The following CCDC178 variants were observed in gnomAD, a reference collection of about 807,000 sequenced individuals.
CCDC178 encodes the protein coiled-coil domain containing 178.
CCDC178 carries 126 observed loss-of-function variants against 117.4 expected under a neutral mutation model. The ratio of observed to expected loss-of-function variants is 1.07; its 90% confidence interval spans 0.93 to 1.24. CCDC178 has a LOEUF of 1.24. CCDC178 is among the 50% of genes most tolerant of loss of function. The pLI, the probability that CCDC178 is intolerant of heterozygous loss-of-function variation, is 0.00. For synonymous variants in CCDC178, 283 were observed against 313.4 expected (o/e 0.90, Z 1.02); for missense variants, 1,030 against 986.9 (o/e 1.04, Z -0.59).
intron 21 of CCDC178, among the ~76,000 whole-genome samples, chr18:33,068,450 A>C (rs967524135): frequency 1.3e-5 from 2 of 152,164 alleles, no homozygotes; most frequent in African/African-American, 4.8e-5. Flanking sequence ...ATACAACAAC[A>C]CATCAAAAAG....
At chr18:33,193,773 T>C (rs1003843036) in intron 20 of CCDC178, among the ~76,000 whole-genome samples, 8 of 152,212 alleles carry the variant, frequency 5.3e-5, no homozygotes, top group African/African-American at 1.9e-4. Flanking sequence ...CGGAGTATAT[T>C]CATTCATTTG....
In CCDC178 at chr18:33,018,770, G is replaced by A. The variant is rs117730752; in HGVS notation, c.2389-44089C>T. On this transcript the variant is annotated intron_variant, in intron 21 of 22. Transcript: ENST00000383096. ...ATGTGTCTCCACTGCTATTAAGTAT[G>A]GAACTTCTTTTTGGGGTGATGACAT... 8.0e-3 allele frequency among the ~76,000 whole-genome samples: 1,214 copies of A among 152,166 alleles called. 10 individuals are homozygous for A. The highest frequency in any genetic ancestry group is 9.7e-3 in the Non-Finnish European group (657 of 67,936).
At chr18:33,416,383 C>G (rs1045695125) in intron 2 of CCDC178, among the ~76,000 whole-genome samples, 1 of 150,908 alleles carries the variant, frequency 6.6e-6, no homozygotes, top group South Asian at 2.1e-4. Context: ...GCAGAGATCG[C>G]GCCACTGCAC....
intron 2 of CCDC178, among the ~76,000 whole-genome samples, chr18:33,432,185 G>A (rs771741972): frequency 3.3e-5 from 5 of 152,148 alleles, no homozygotes; most frequent in Non-Finnish European, 7.4e-5. Context: ...GGTTGGGTAT[G>A]GGGAGGCGGA....
chr18:33,319,008 C>T (rs573769267), intron 11 of CCDC178, among the ~76,000 whole-genome samples: 32 of 152,090 alleles, frequency 2.1e-4, no homozygotes, highest in Non-Finnish European at 3.5e-4. Flanking sequence ...AAAGGATCTA[C>T]TTCAGCCAGA....
At chr18:33,438,889 T>C (rs2064333391) in intron 2 of CCDC178, among the ~76,000 whole-genome samples, 1 of 152,182 alleles carries the variant, frequency 6.6e-6, no homozygotes, top group South Asian at 2.1e-4. Context: ...TTCAGTCCCA[T>C]AAGCCTAGAT....
chr18:33,068,642 A>G (rs2057059114), intron 21 of CCDC178, among the ~76,000 whole-genome samples: 1 of 152,276 alleles, frequency 6.6e-6, no homozygotes, highest in East Asian at 1.9e-4. Context: ...AAAACTCTCA[A>G]CAAATTAGGT....
intron 20 of CCDC178, among the ~76,000 whole-genome samples, chr18:33,158,661 A>G (rs1484401128): frequency 6.6e-6 from 1 of 152,018 alleles, no homozygotes; most frequent in Non-Finnish European, 1.5e-5. Flanking sequence ...AAGATCATCT[A>G]ATCCAAATTC....
At chr18:32,943,362 C>T (rs750059328) in intron 22 of CCDC178, among the ~76,000 whole-genome samples, 15 of 152,088 alleles carry the variant, frequency 9.9e-5, no homozygotes, top group East Asian at 5.8e-4. Flanking sequence ...GATCATGCTC[C>T]GTGATCTTGC....
chr18:33,226,139 G>A (rs543742365), intron 16 of CCDC178, among the ~76,000 whole-genome samples: 22 of 152,218 alleles, frequency 1.4e-4, no homozygotes, highest in African/African-American at 5.1e-4. Context: ...CCAGCCTGGC[G>A]ACAGAGCAAG....
rs1331466941 is a variant in CCDC178, at chr18:33,226,129, C to A, written c.1656+664G>T. On this transcript the variant is annotated intron_variant, in intron 16 of 22. Coordinates refer to ENST00000383096, the MANE Select transcript of CCDC178 (RefSeq NM_001105528.4). ...TGAGCCAAGATCGTGCCACTGCACT[C>A]CAGCCTGGCGACAGAGCAAGACTCT... Among the ~76,000 whole-genome samples the A allele has an allele frequency of 5.3e-5, 8 of 152,266 alleles. No homozygotes were observed. The East Asian group carries it at 1.5e-3, about 29-fold the overall frequency.
intron 12 of CCDC178, among the ~76,000 whole-genome samples, chr18:33,268,654 A>G (rs1599079327): frequency 6.6e-6 from 1 of 151,884 alleles, no homozygotes; most frequent in Non-Finnish European, 1.5e-5. Flanking sequence ...AAATACCACC[A>G]TAAACAAAAT....
chr18:33,015,092 C>T lies in CCDC178; in HGVS notation c.2389-40411G>A, dbSNP rs56228018. Among the ~76,000 whole-genome samples the T allele has an allele frequency of 1.5e-3, 234 of 151,264 alleles. 2 individuals are homozygous for T. The highest frequency in any genetic ancestry group is 5.4e-3 in the African/African-American group (222 of 41,236). ...CCAACATGGTGAAACCTCATCTCTACCAAAAATACAAAAATTAGCCGGGTG... is the reference window on the plus strand; with the variant it reads ...CCAACATGGTGAAACCTCATCTCTATCAAAAATACAAAAATTAGCCGGGTG... On this transcript the variant is annotated intron_variant, in intron 21 of 22. Transcript: ENST00000383096.
intron 15 of CCDC178, among the ~76,000 whole-genome samples, chr18:33,239,207 A>C (rs572696467): frequency 1.3e-5 from 2 of 152,066 alleles, no homozygotes; most frequent in African/African-American, 2.4e-5. Flanking sequence ...CAATATACAC[A>C]GTAGAAAGAG....
intron 20 of CCDC178, among the ~76,000 whole-genome samples, chr18:33,098,074 T>C (rs1567987055): frequency 6.6e-6 from 1 of 152,072 alleles, no homozygotes; most frequent in East Asian, 1.9e-4. Flanking sequence ...CAGAGACACT[T>C]ATCCTGGACA....
At chr18:33,069,810 A>G (rs796522701) in intron 21 of CCDC178, among the ~76,000 whole-genome samples, 35 of 152,236 alleles carry the variant, frequency 2.3e-4, no homozygotes, top group African/African-American at 7.9e-4. Flanking sequence ...TATACAAGGT[A>G]TTCAAACAAG....
chr18:33,019,443 G>A (rs1218402179), intron 21 of CCDC178, among the ~76,000 whole-genome samples: 3 of 152,142 alleles, frequency 2.0e-5, no homozygotes, highest in African/African-American at 7.2e-5. Flanking sequence ...CAAGATATAT[G>A]ATTGCTAATT....
intron 22 of CCDC178, among the ~76,000 whole-genome samples, chr18:32,941,079 T>A (rs1220798198): frequency 1.4e-5 from 2 of 144,800 alleles, no homozygotes; most frequent in Non-Finnish European, 3.0e-5. Flanking sequence ...GTTTAATGAT[T>A]TTTTTTTTTT....
intron 20 of CCDC178, among the ~76,000 whole-genome samples, chr18:33,200,955 AT>A (rs1368962708): frequency 6.6e-6 from 1 of 152,236 alleles, no homozygotes; most frequent in African/African-American, 2.4e-5. Context: ...AAAAATCAAT[AT>A]AGTTTATCTT....
Sources: allele counts gnomAD v4.1 joint callset (sites outside exome capture counted in the v4.1 genomes callset), GRCh38; gene constraint gnomAD v4.1.1; transcripts MANE v1.5; gene names NCBI Gene and HGNC (gene_info 2026-07-23, HGNC 2026-07-21).